FOXK1: variants seen among roughly 807,000 people sequenced by gnomAD.
FOXK1 encodes the protein forkhead box protein K1.
Under a neutral mutation model 51.9 loss-of-function variants are expected in FOXK1, and 19 were observed. The ratio of observed to expected loss-of-function variants is 0.37; its 90% CI spans 0.26 to 0.54. The LOEUF (loss-of-function observed/expected upper bound fraction) is 0.54, where lower values mean the gene tolerates loss of function less well. Ranked by LOEUF, FOXK1 falls within the 20% of genes least tolerant of loss-of-function variation. The probability of loss-of-function intolerance (pLI) is 0.87; values close to 1 mark genes in which losing one functional copy is unlikely to be tolerated. For missense variants in FOXK1, 870 were observed against 1,032.7 expected, an observed-to-expected ratio of 0.84 and a Z score of 2.16; for synonymous variants, 537 against 482.6, an observed-to-expected ratio of 1.11 and a Z score of -1.48.
Position 4,759,579 on chromosome 7 carries a change from G to T in FOXK1, c.1680G>T (p.Leu560=), listed in dbSNP as rs1390734207. 2.0e-6 allele frequency: 3 copies of T among 1,536,888 alleles called. No individual in the cohort carries two copies. Among genetic ancestry groups the T allele is most frequent in the African/African-American group, 2.7e-5 (2 of 73,136 alleles). ...CGGCGGGCGCAGCCGTGCTGGACCTGGGCAGCGAGGCCAGAGGTAATGCAG... is the reference window on the plus strand; with the variant it reads ...CGGCGGGCGCAGCCGTGCTGGACCTTGGCAGCGAGGCCAGAGGTAATGCAG... ...HDAAGAAVLD[L]GSEARGLEEK... is the part of the protein sequence containing the mutation. Residue 560 remains leucine (L), a synonymous_variant, in exon 7 of 9, where the codon CTG becomes CTT. Transcript: ENST00000328914.
intron 1 of FOXK1, among the ~76,000 whole-genome samples, chr7:4,696,552 G>A (rs1057207282): frequency 6.6e-6 from 1 of 152,170 alleles, no homozygotes; most frequent in Non-Finnish European, 1.5e-5. Flanking sequence ...TTAAGCGTTG[G>A]TGTGAATACC....
rs1780836249 is a variant in FOXK1, at chr7:4,755,582, A to G, written c.1050+199A>G. Among the ~76,000 whole-genome samples the G allele has an allele frequency of 6.6e-6, 1 of 152,166 alleles. No individual in the cohort carries two copies. Among genetic ancestry groups the G allele is most frequent in the Non-Finnish European group, 1.5e-5 (1 of 68,032 alleles). On this transcript the variant is annotated intron_variant, in intron 4 of 8. Transcript: ENST00000328914. The surrounding 1 kb of genome is among the most constrained non-coding windows in gnomAD (Gnocchi z 6.6). ...AGAGAGAACCTCTTTTCTACTAAAA[A>G]TTAGCTGAGTGTGGTGGTGCACACC...
At chr7:4,691,227 A>C (rs760116381) in intron 1 of FOXK1, among the ~76,000 whole-genome samples, 1 of 152,198 alleles carries the variant, frequency 6.6e-6, no homozygotes, top group Non-Finnish European at 1.5e-5. Context: ...TGTGAAGATG[A>C]GTTTGGGCAT....
At position 4,753,978 on chromosome 7, in the gene FOXK1, G is replaced by A. The variant is rs888087069; in HGVS notation, c.747-481G>A. On this transcript the variant is annotated intron_variant, in intron 2 of 8. Transcript: ENST00000328914. The surrounding 1 kb of genome is among the most constrained non-coding windows in gnomAD (Gnocchi z 4.9). ...CTGCCACGCCTTCACCCTGCAGGGC[G>A]ATGGCACCTCCACAGCCTCTTTCCA... 2.0e-5 allele frequency among the ~76,000 whole-genome samples: 3 copies of A among 152,330 alleles called. No homozygotes were observed. Among genetic ancestry groups the A allele is most frequent in the African/African-American group, 4.8e-5 (2 of 41,584 alleles).
chr7:4,760,348 G>A lies in FOXK1; in HGVS notation c.1697-716G>A, dbSNP rs186190945. On this transcript the variant is annotated intron_variant, in intron 7 of 8. Coordinates refer to ENST00000328914, the MANE Select transcript of FOXK1 (RefSeq NM_001037165.2). ...CAGCTGACCCCAGAAGCTCCTCTCCGGAACGCCTGCAGTTAGGCAGCGCCC... is the reference window on the plus strand; with the variant it reads ...CAGCTGACCCCAGAAGCTCCTCTCCAGAACGCCTGCAGTTAGGCAGCGCCC... 2.4e-3 allele frequency among the ~76,000 whole-genome samples: 367 copies of A among 152,304 alleles called. 2 individuals carry two copies. The highest frequency in any genetic ancestry group is 3.6e-3 in the Non-Finnish European group (242 of 68,028).
chr7:4,706,462 T>G (rs1035044149), intron 1 of FOXK1, among the ~76,000 whole-genome samples: 1 of 151,224 alleles, frequency 6.6e-6, no homozygotes. Flanking sequence ...GGCCCTAGAG[T>G]GGGGTGGGGC....
rs1381983159 is a variant in FOXK1, at chr7:4,745,641, G to T, written c.746+4618G>T. Among the ~76,000 whole-genome samples the T allele has an allele frequency of 6.6e-6, 1 of 152,040 alleles. No individual in the cohort carries two copies. Among genetic ancestry groups the T allele is most frequent in the Non-Finnish European group, 1.5e-5 (1 of 68,002 alleles). On this transcript the variant is annotated intron_variant, in intron 2 of 8. Transcript: ENST00000328914. The surrounding 1 kb of genome is among the most constrained non-coding windows in gnomAD (Gnocchi z 4.3). Reference sequence around the variant, plus strand: ...TACAGGCCAGGCGCCCGGTGGCTCAGGCCTGTAATCCCAGCACTTTGGGAG... The same window carrying T: ...TACAGGCCAGGCGCCCGGTGGCTCATGCCTGTAATCCCAGCACTTTGGGAG...
chr7:4,716,164 T>G (rs1583192428), intron 1 of FOXK1, among the ~76,000 whole-genome samples: 1 of 150,166 alleles, frequency 6.7e-6, no homozygotes, highest in Non-Finnish European at 1.5e-5. Context: ...GAGGCTACAG[T>G]GAGTTGAGAT....
Position 4,703,367 on chromosome 7 carries a change from CAG to C in FOXK1, c.560+20500_560+20501del, listed in dbSNP as rs1177281471. Among the ~76,000 whole-genome samples, 3 of 152,158 alleles carry C rather than the reference CAG, an allele frequency of 2.0e-5. No homozygotes were observed. The highest frequency in any genetic ancestry group is 2.9e-5 in the Non-Finnish European group (2 of 68,002). On this transcript the variant is annotated intron_variant, in intron 1 of 8. Coordinates refer to ENST00000328914, the MANE Select transcript of FOXK1 (RefSeq NM_001037165.2). This position sits in a 1 kb window ranked among gnomAD's most constrained non-coding sequence, Gnocchi z 5.6. ...TAGGGCGTTGTGACAGCCTGGCTCTCAGGGGATGGGAGGACAACTCGCTGAAG... is the reference window on the plus strand; with the variant it reads ...TAGGGCGTTGTGACAGCCTGGCTCTCGGGATGGGAGGACAACTCGCTGAAG...
rs1293125146 is a variant in FOXK1, at chr7:4,707,438, C to T, written c.560+24570C>T. On this transcript the variant is annotated intron_variant, in intron 1 of 8. Coordinates refer to ENST00000328914, the MANE Select transcript of FOXK1 (RefSeq NM_001037165.2). This position sits in a 1 kb window ranked among gnomAD's most constrained non-coding sequence, Gnocchi z 4.1. Reference sequence around the variant, plus strand: ...CAGGCCTCTCCCTGGGCGGGCTTTCCGTGTTATTAATCTACTTTATGACCC... The same window carrying T: ...CAGGCCTCTCCCTGGGCGGGCTTTCTGTGTTATTAATCTACTTTATGACCC... 1.3e-5 allele frequency among the ~76,000 whole-genome samples: 2 copies of T among 152,170 alleles called. No individual in the cohort carries two copies. Among genetic ancestry groups the T allele is most frequent in the South Asian group, 2.1e-4 (1 of 4,832 alleles).
In FOXK1 at chr7:4,705,974, G is replaced by A. The variant is rs1416438893; in HGVS notation, c.560+23106G>A. 7.6e-3 allele frequency among the ~76,000 whole-genome samples: 513 copies of A among 67,698 alleles called. 30 individuals are homozygous for A. Among genetic ancestry groups the A allele is most frequent in the African/African-American group, 0.042 (479 of 11,472 alleles). 44.4% of individuals were successfully genotyped at this position (67,698 alleles called of 152,430 possible). ...TATATATATATGTATATATATATACGTATATATACGTATATATACGTATAT... is the reference window on the plus strand; with the variant it reads ...TATATATATATGTATATATATATACATATATATACGTATATATACGTATAT... On this transcript the variant is annotated intron_variant, in intron 1 of 8. Coordinates refer to ENST00000328914, the MANE Select transcript of FOXK1 (RefSeq NM_001037165.2).
chr7:4,725,937 C>T (rs192578986), intron 1 of FOXK1, among the ~76,000 whole-genome samples: 1 of 151,982 alleles, frequency 6.6e-6, no homozygotes, highest in Non-Finnish European at 1.5e-5. Context: ...GAGCTGAGCT[C>T]GGCTGCAGTG....
chr7:4,707,789 A>G lies in FOXK1; in HGVS notation c.560+24921A>G, dbSNP rs914272957. On this transcript the variant is annotated intron_variant, in intron 1 of 8. Transcript: ENST00000328914. This position sits in a 1 kb window ranked among gnomAD's most constrained non-coding sequence, Gnocchi z 4.1. ...AACCTCCGCCTCCTGGGTTCAAGCA[A>G]TTCTCCTACCTCAGCCCCCCAAGTA... 1.3e-5 allele frequency among the ~76,000 whole-genome samples: 2 copies of G among 151,624 alleles called. No homozygotes were observed. Among genetic ancestry groups the G allele is most frequent in the African/African-American group, 2.4e-5 (1 of 41,218 alleles).
chr7:4,729,011 G>T lies in FOXK1; in HGVS notation c.561-11827G>T, dbSNP rs749028952. ...CCCAGAAGCATTTTCTTAAATCAGC[G>T]TAGAGACAGAAGATGAAAGTTAACC... is the stretch of plus-strand genomic sequence containing the variant. On this transcript the variant is annotated intron_variant, in intron 1 of 8. Coordinates refer to ENST00000328914, the MANE Select transcript of FOXK1 (RefSeq NM_001037165.2). The surrounding 1 kb of genome is among the most constrained non-coding windows in gnomAD (Gnocchi z 6.2). Among the ~76,000 whole-genome samples the T allele has an allele frequency of 6.6e-6, 1 of 152,236 alleles. No individual in the cohort carries two copies. The highest frequency in any genetic ancestry group is 1.5e-5 in the Non-Finnish European group (1 of 68,038).
intron 1 of FOXK1, among the ~76,000 whole-genome samples, chr7:4,693,029 C>T (rs1779913393): frequency 1.3e-5 from 2 of 152,036 alleles, no homozygotes; most frequent in African/African-American, 4.8e-5. Context: ...ATCCTTAAGT[C>T]ATCCTCTGCT....
chr7:4,701,211 G>A (rs188054428), intron 1 of FOXK1, among the ~76,000 whole-genome samples: 124 of 152,292 alleles, frequency 8.1e-4, no homozygotes, highest in African/African-American at 2.8e-3. Context: ...GTTTTCTTGT[G>A]TTTTTCTGAG....
intron 1 of FOXK1, among the ~76,000 whole-genome samples, chr7:4,706,625 C>G (rs1478685078): frequency 6.6e-6 from 1 of 152,170 alleles, no homozygotes. Flanking sequence ...TGAGGTAATG[C>G]CAACAGTCAC....
chr7:4,719,751 G>A (rs1780285259), intron 1 of FOXK1, among the ~76,000 whole-genome samples: 1 of 152,124 alleles, frequency 6.6e-6, no homozygotes, highest in African/African-American at 2.4e-5. Flanking sequence ...CAAGGTGCTG[G>A]GATTACAGGT....
intron 1 of FOXK1, among the ~76,000 whole-genome samples, chr7:4,721,604 T>TTTTTTTTTTA (rs1780312954): frequency 6.8e-6 from 1 of 147,342 alleles, no homozygotes; most frequent in Non-Finnish European, 1.5e-5. Context: ...TTTTTTTTTT[T>TTTTTTTTTTA]TTTTGAGTCA....
Sources: allele counts gnomAD v4.1 joint callset (sites outside exome capture counted in the v4.1 genomes callset), GRCh38; gene constraint gnomAD v4.1.1; non-coding constraint Gnocchi (gnomAD v3.1); transcripts MANE v1.5; gene names NCBI Gene and HGNC (gene_info 2026-07-23, HGNC 2026-07-21).